Variants in SCN8A observed in about 807,000 individuals in gnomAD.
SCN8A encodes the protein sodium voltage-gated channel alpha subunit 8, also known as sodium channel protein type 8 subunit alpha.
In SCN8A, 30 loss-of-function variants were observed where a neutral mutation model predicts 184.1. The ratio of observed to expected loss-of-function variants is 0.16; its 90% confidence interval spans 0.12 to 0.22. SCN8A has a LOEUF of 0.22. SCN8A is among the 10% of genes least tolerant of loss of function. The pLI, the probability that SCN8A is intolerant of heterozygous loss-of-function variation, is 1.00. For missense variants in SCN8A, 1,057 were observed against 2,498.9 expected (o/e 0.42, Z 12.30); for synonymous variants, 852 against 907.0 (o/e 0.94, Z 1.09).
intron 1 of SCN8A, 128 bp from the exon 2 acceptor site, chr12:51,662,636 T>C (rs1312148925): frequency 1.6e-6 from 1 of 618,598 alleles, no homozygotes; most frequent in Non-Finnish European, 2.8e-6. Flanking sequence ...AAAATAAGCA[T>C]GTCATGGAAG....
At chr12:51,731,715 C>T (rs1218969102) in intron 12 of SCN8A, among the ~76,000 whole-genome samples, 1 of 152,124 alleles carries the variant, frequency 6.6e-6, no homozygotes, top group Non-Finnish European at 1.5e-5. Flanking sequence ...CTTTTCTCCA[C>T]ATCCTCTCCA....
At chr12:51,686,315 G>C in intron 3 of SCN8A, 53 bp from the exon 4 acceptor site, 1 of 1,121,748 alleles carries the variant, frequency 8.9e-7, no homozygotes. Flanking sequence ...TTTGTTTTTT[G>C]AGAAAACAAA....
intron 8 of SCN8A, among the ~76,000 whole-genome samples, chr12:51,702,339 A>C (rs1276841316): frequency 1.3e-5 from 2 of 151,752 alleles, no homozygotes; most frequent in Non-Finnish European, 2.9e-5. Context: ...AAAAAAAAAA[A>C]AAAGAGGAAC....
chr12:51,766,204 C>A, intron 16 of SCN8A, 177 bp downstream of exon 16: 1 of 640,742 alleles, frequency 1.6e-6, no homozygotes, highest in Admixed American at 2.5e-5. Context: ...GAGATACTTA[C>A]AGAGTGCCTA....
chr12:51,683,661 C>G (rs1329255181), intron 2 of SCN8A, among the ~76,000 whole-genome samples: 2 of 152,180 alleles, frequency 1.3e-5, no homozygotes, highest in Non-Finnish European at 2.9e-5. Flanking sequence ...TCCCATAGCA[C>G]TTGTCATCTT....
At chr12:51,690,796 A>G (rs989616535) in intron 6 of SCN8A, among the ~76,000 whole-genome samples, 6 of 152,220 alleles carry the variant, frequency 3.9e-5, no homozygotes, top group African/African-American at 1.4e-4. Context: ...ATTCATCTTC[A>G]CCACTTACAA....
At chr12:51,657,387 A>G (rs1462944936) in intron 1 of SCN8A, among the ~76,000 whole-genome samples, 1 of 152,124 alleles carries the variant, frequency 6.6e-6, no homozygotes, top group African/African-American at 2.4e-5. Context: ...ATGATAAGTG[A>G]TGAGCATTTT....
chr12:51,637,852 A>G (rs920220175), intron 1 of SCN8A, among the ~76,000 whole-genome samples: 5 of 152,222 alleles, frequency 3.3e-5, no homozygotes, highest in African/African-American at 9.6e-5. Context: ...ACAACCTTCT[A>G]TTGGAAGAAG....
At chr12:51,668,099 C>T (rs1473016348) in intron 2 of SCN8A, among the ~76,000 whole-genome samples, 1 of 151,636 alleles carries the variant, frequency 6.6e-6, no homozygotes, top group Non-Finnish European at 1.5e-5. Context: ...AGGAGAATCG[C>T]TTGAACCCGG....
At chr12:51,777,801 C>T (rs1453584705) in intron 20 of SCN8A, among the ~76,000 whole-genome samples, 2 of 152,198 alleles carry the variant, frequency 1.3e-5, no homozygotes, top group Non-Finnish European at 2.9e-5. Context: ...TGCCTATAGC[C>T]ACTCAAAGCT....
Position 51,773,435 on chromosome 12 carries a change from C to T in SCN8A, c.3646-754C>T, listed in dbSNP as rs1051933165. 4.6e-5 allele frequency among the ~76,000 whole-genome samples: 7 copies of T among 152,318 alleles called. 1 individual carries two copies. Among genetic ancestry groups the T allele is most frequent in the Admixed American group, 4.6e-4 (7 of 15,302 alleles). ...TTTTCTTCACCTGAGTATCTCCCAC[C>T]TGTATGACCCTCCACCCATACTGTG... On this transcript the variant is annotated intron_variant, in intron 19 of 26. Coordinates refer to ENST00000627620, the MANE Select transcript of SCN8A (RefSeq NM_001330260.2).
intron 12 of SCN8A, among the ~76,000 whole-genome samples, chr12:51,723,694 G>T (rs556357990): frequency 1.3e-5 from 2 of 152,112 alleles, no homozygotes; most frequent in South Asian, 2.1e-4. Context: ...TGGCCAACAT[G>T]GTTTGAAACC....
Position 51,674,425 on chromosome 12 carries a change from C to T in SCN8A, c.277-9749C>T, listed in dbSNP as rs563554755. On this transcript the variant is annotated intron_variant, in intron 2 of 26. Coordinates refer to ENST00000627620, the MANE Select transcript of SCN8A (RefSeq NM_001330260.2). ...TCGGCTCACTGCAACCTCCGCCTCC[C>T]GGGTTCAAATGATTCTCCTGCCTCA... Among the ~76,000 whole-genome samples, 10 of 152,202 alleles carry T rather than the reference C, an allele frequency of 6.6e-5. No individual in the cohort carries two copies. The South Asian group carries it at 1.2e-3, about 19-fold the overall frequency.
At chr12:51,622,434 G>T (rs1939982071) in intron 1 of SCN8A, among the ~76,000 whole-genome samples, 1 of 152,154 alleles carries the variant, frequency 6.6e-6, no homozygotes, top group Non-Finnish European at 1.5e-5. Flanking sequence ...CTCTTCTGGT[G>T]TGTGACAGTT....
At chr12:51,669,300 G>T (rs1941090693) in intron 2 of SCN8A, among the ~76,000 whole-genome samples, 1 of 152,054 alleles carries the variant, frequency 6.6e-6, no homozygotes, top group African/African-American at 2.4e-5. Context: ...TTCCGGCTTT[G>T]CTTCATGTTT....
intron 12 of SCN8A, among the ~76,000 whole-genome samples, chr12:51,732,798 G>C (rs1415550395): frequency 6.6e-6 from 1 of 151,934 alleles, no homozygotes; most frequent in Non-Finnish European, 1.5e-5. Context: ...TAATTACTAG[G>C]TATTTAATTT....
intron 8 of SCN8A, among the ~76,000 whole-genome samples, chr12:51,702,199 G>A (rs960364100): frequency 4.0e-5 from 6 of 151,758 alleles, no homozygotes; most frequent in African/African-American, 1.5e-4. Context: ...GCAGGTGCCT[G>A]TAATCCCAGC....
intron 20 of SCN8A, among the ~76,000 whole-genome samples, chr12:51,779,997 G>GTTC (rs10642321): frequency 0.86 from 130,520 of 151,886 alleles, 56,271 homozygotes; most frequent in East Asian, 0.98. Context: ...TGGAGCCACA[G>GTTC]TTCTTGGGAA....
At chr12:51,602,619 C>T (rs1369454358) in intron 1 of SCN8A, among the ~76,000 whole-genome samples, 2 of 151,782 alleles carry the variant, frequency 1.3e-5, no homozygotes, top group African/African-American at 4.9e-5. Flanking sequence ...GTATATTTTA[C>T]CACAATCAAT....
Sources: allele counts gnomAD v4.1 joint callset (sites outside exome capture counted in the v4.1 genomes callset), GRCh38; gene constraint gnomAD v4.1.1; transcripts MANE v1.5; gene names NCBI Gene and HGNC (gene_info 2026-07-23, HGNC 2026-07-21).